THOC1: variants seen among roughly 807,000 people sequenced by gnomAD.
THOC1 encodes THO complex 1.
In THOC1, 29 loss-of-function variants were observed where a neutral mutation model predicts 97.3. The ratio of observed to expected loss-of-function variants is 0.30; its 90% CI spans 0.22 to 0.41. THOC1 has a LOEUF of 0.41. THOC1 is among the 10% of genes least tolerant of loss of function. The probability of loss-of-function intolerance (pLI) is 1.00; values close to 1 mark genes in which losing one functional copy is unlikely to be tolerated. For synonymous variants in THOC1, 255 were observed against 257.0 expected (o/e 0.99, Z 0.07); for missense variants, 529 against 761.9 (o/e 0.69, Z 3.60).
intron 17 of THOC1, among the ~76,000 whole-genome samples, chr18:221,889 T>TGA (rs1228831603): frequency 6.6e-6 from 1 of 152,202 alleles, no homozygotes; most frequent in African/African-American, 2.4e-5. Context: ...ATTACAGGTA[T>TGA]GAGCCACCGC....
In THOC1 at chr18:227,466, C is replaced by G. The variant is rs147154644; in HGVS notation, c.919-565G>C. ...TAAAGTGCCTGCAACAGAGGTATTA[C>G]TTGACAATAAACAAGAAATTAGAGG... On this transcript the variant is annotated intron_variant, in intron 11 of 20. Coordinates refer to ENST00000261600, the MANE Select transcript of THOC1 (RefSeq NM_005131.3). Among the ~76,000 whole-genome samples, 178 of 151,892 alleles carry G rather than the reference C, an allele frequency of 1.2e-3. 1 individual carries two copies. The highest frequency in any genetic ancestry group is 4.1e-3 in the African/African-American group (171 of 41,436).
chr18:246,637 T>G (rs1239636040), intron 10 of THOC1, among the ~76,000 whole-genome samples, 182 bp from the exon 11 acceptor site: 1 of 152,110 alleles, frequency 6.6e-6, no homozygotes, highest in South Asian at 2.1e-4. Context: ...TTGTATGATA[T>G]TTCACTTGTT....
Position 244,859 on chromosome 18 carries a change from TA to T in THOC1, c.918+1464del, listed in dbSNP as rs532029784. On this transcript the variant is annotated intron_variant, in intron 11 of 20. Coordinates refer to ENST00000261600, the MANE Select transcript of THOC1 (RefSeq NM_005131.3). Reference sequence around the variant, plus strand: ...CATGGCTTTTAACTGCTCTTCCACTTAAAAAAAAAAAATCTGTCTGTGCTGC... The same window carrying T: ...CATGGCTTTTAACTGCTCTTCCACTTAAAAAAAAAAATCTGTCTGTGCTGC... 8.5e-3 allele frequency: 1,250 copies of T among 146,802 alleles called. 8 individuals carry two copies. The highest frequency in any genetic ancestry group is 0.02 in the African/African-American group (825 of 40,402). 9.1% of individuals were successfully genotyped at this position (146,802 alleles called of 1,614,324 possible). A position where few individuals can be genotyped will look rare whatever the true frequency, so the allele number is the denominator to read the frequency against.
chr18:228,112 C>G (rs1442070939), intron 11 of THOC1, among the ~76,000 whole-genome samples: 1 of 152,166 alleles, frequency 6.6e-6, no homozygotes, highest in African/African-American at 2.4e-5. Flanking sequence ...TGACTGTCTC[C>G]ACTCAGGCTG....
At chr18:218,485 G>A (rs1469954686) in intron 18 of THOC1, among the ~76,000 whole-genome samples, 1 of 152,140 alleles carries the variant, frequency 6.6e-6, no homozygotes, top group African/African-American at 2.4e-5. Context: ...AGTGGGCAAC[G>A]AGGGCAAAGG....
At chr18:236,534 T>C (rs2143213464) in intron 11 of THOC1, among the ~76,000 whole-genome samples, 1 of 151,848 alleles carries the variant, frequency 6.6e-6, no homozygotes, top group South Asian at 2.1e-4. Flanking sequence ...TTTTTTTTTT[T>C]TTGTATTTTT....
Position 264,018 on chromosome 18 carries a change from A to G in THOC1, c.256+8T>C. Reference sequence around the variant, plus strand: ...ACTTTAAACAAAACAAAACGGAACCATACTTACCTTCAGTTACTCCCCCAA... The same window carrying G: ...ACTTTAAACAAAACAAAACGGAACCGTACTTACCTTCAGTTACTCCCCCAA... On this transcript the variant is annotated splice_region_variant and intron_variant, in intron 4 of 20. Coordinates refer to ENST00000261600, the MANE Select transcript of THOC1 (RefSeq NM_005131.3). 6.2e-7 allele frequency: 1 copy of G among 1,606,682 alleles called. No homozygotes were observed. Among genetic ancestry groups the G allele is most frequent in the Non-Finnish European group, 8.5e-7 (1 of 1,174,354 alleles).
chr18:237,375 T>G (rs2143217216), intron 11 of THOC1, among the ~76,000 whole-genome samples: 1 of 152,200 alleles, frequency 6.6e-6, no homozygotes, highest in African/African-American at 2.4e-5. Flanking sequence ...CAGGCTGATC[T>G]CAAACTCCTG....
At chr18:265,135 T>G in intron 3 of THOC1, 168 bp downstream of exon 3, 1 of 602,034 alleles carries the variant, frequency 1.7e-6, no homozygotes, top group Non-Finnish European at 2.9e-6. Context: ...ACCTGTGCTA[T>G]CAAAATCCTT....
chr18:243,057 T>G (rs1322789777), intron 11 of THOC1, among the ~76,000 whole-genome samples: 1 of 152,182 alleles, frequency 6.6e-6, no homozygotes, highest in Admixed American at 6.5e-5. Context: ...AGTTGTTGCT[T>G]AAGGGGCAAC....
chr18:220,656 C>T (rs1229649101), intron 17 of THOC1, among the ~76,000 whole-genome samples: 1 of 152,120 alleles, frequency 6.6e-6, no homozygotes, highest in Non-Finnish European at 1.5e-5. Context: ...GTGAAGTTCC[C>T]CGTCTTCTCA....
intron 3 of THOC1, chr18:265,071 T>C (rs1427988084): frequency 4.3e-6 from 2 of 463,576 alleles, no homozygotes; most frequent in Non-Finnish European, 7.6e-6. Flanking sequence ...TCAACTTTTC[T>C]TATCTCACTT....
chr18:229,844 TCTC>T lies in THOC1; in HGVS notation c.919-2946_919-2944del, dbSNP rs201229377. ...AATCTCACAGGTTACTCTTCAATCT[TCTC>T]CTCTTCTCCCTTCATTCTCCCTTAA... On this transcript the variant is annotated intron_variant, in intron 11 of 20. Coordinates refer to ENST00000261600, the MANE Select transcript of THOC1 (RefSeq NM_005131.3). Among the ~76,000 whole-genome samples the T allele has an allele frequency of 7.5e-3, 1,149 of 152,306 alleles. 11 individuals are homozygous for T. Among genetic ancestry groups the T allele is most frequent in the African/African-American group, 0.026 (1,082 of 41,566 alleles).
At chr18:253,570 T>G (rs914094495) in intron 8 of THOC1, among the ~76,000 whole-genome samples, 14 of 152,198 alleles carry the variant, frequency 9.2e-5, no homozygotes, top group Non-Finnish European at 1.6e-4. Flanking sequence ...AGACAGAGAA[T>G]GTTATGAGTG....
At chr18:248,607 A>G (rs958136294) in intron 9 of THOC1, among the ~76,000 whole-genome samples, 3 of 152,190 alleles carry the variant, frequency 2.0e-5, no homozygotes, top group African/African-American at 7.2e-5. Flanking sequence ...CCTAAGAAGC[A>G]CCAGTATGAG....
At chr18:266,578 G>A (rs1026754314) in intron 1 of THOC1, among the ~76,000 whole-genome samples, 1 of 125,198 alleles carries the variant, frequency 8.0e-6, no homozygotes, top group African/African-American at 3.1e-5. Flanking sequence ...TCCCTCTGTT[G>A]CCCAGGTGTT....
intron 11 of THOC1, among the ~76,000 whole-genome samples, chr18:236,017 T>G (rs1911669338): frequency 6.6e-6 from 1 of 152,246 alleles, no homozygotes; most frequent in African/African-American, 2.4e-5. Flanking sequence ...TATAAGTTCA[T>G]GACACCTTGG....
chr18:252,009 T>C (rs1330258173), intron 9 of THOC1, among the ~76,000 whole-genome samples: 1 of 152,198 alleles, frequency 6.6e-6, no homozygotes, highest in African/African-American at 2.4e-5. Context: ...TAACTTTTGT[T>C]TGTTAGCCTA....
chr18:244,823 A>T lies in THOC1; in HGVS notation c.918+1501T>A, dbSNP rs503947. 4 of 152,144 alleles carry T rather than the reference A, an allele frequency of 2.6e-5. No homozygotes were observed. In the East Asian group the frequency reaches 7.7e-4, roughly 29 times the overall value. 9.4% of individuals were successfully genotyped at this position (152,144 alleles called of 1,614,324 possible). A position where few individuals can be genotyped will look rare whatever the true frequency, so the allele number is the denominator to read the frequency against. On this transcript the variant is annotated intron_variant, in intron 11 of 20. Transcript: ENST00000261600. ...TACTAGACAGATGTTGGAAATTCCC[A>T]ATCTATTCACCATGGCTTTTAACTG...
Sources: gnomAD v4.1 joint callset for allele counts (sites outside exome capture counted in the v4.1 genomes callset) on GRCh38, gnomAD v4.1.1 for gene constraint, MANE v1.5 for transcripts, NCBI Gene and HGNC (gene_info 2026-07-23, HGNC 2026-07-21) for gene names.